The following DPYSL2 variants were observed in gnomAD, a reference collection of about 807,000 sequenced individuals.
DPYSL2 encodes the protein dihydropyrimidinase like 2.
In DPYSL2, 13 loss-of-function variants were observed where a neutral mutation model predicts 69.9. That is an observed-to-expected ratio of 0.19 (90% CI 0.12 to 0.30). The LOEUF is 0.30. Among genes scored for constraint, DPYSL2 ranks in the 10% least tolerant of loss-of-function variants. The pLI is 1.00. For synonymous variants in DPYSL2, 326 were observed against 359.1 expected (o/e 0.91, Z 1.04); for missense variants, 587 against 918.9 (o/e 0.64, Z 4.67).
chr8:26,611,030 G>A (rs986195967), intron 3 of DPYSL2, among the ~76,000 whole-genome samples: 1 of 152,166 alleles, frequency 6.6e-6, no homozygotes, highest in African/African-American at 2.4e-5. Flanking sequence ...TCCCTATACA[G>A]TGAAGTAGGC....
intron 1 of DPYSL2, among the ~76,000 whole-genome samples, chr8:26,546,934 A>AAAAAAAAAAAAAAAAAAAAAAAAG (rs1800780944): frequency 6.7e-6 from 1 of 149,214 alleles, no homozygotes; most frequent in African/African-American, 2.5e-5. Flanking sequence ...AAAAAAAAAA[A>AAAAAAAAAAAAAAAAAAAAAAAAG]AAAAAAAAAA....
At position 26,634,777 on chromosome 8, in the gene DPYSL2, C is replaced by T. The variant is rs768747449; in HGVS notation, c.1006-3C>T. 3.1e-6 allele frequency: 5 copies of T among 1,614,076 alleles called. No homozygotes were observed. The South Asian group carries it at 5.5e-5, about 18-fold the overall frequency. ...ATTCTCATGCTCTGCTGCTGTTTTG[C>T]AGGTCGAGGCCGAAGCCGTGAATCG... On this transcript the variant is annotated splice_polypyrimidine_tract_variant and splice_region_variant and intron_variant, in intron 7 of 13. Transcript: ENST00000521913.
At chr8:26,568,645 C>T (rs11784283) in intron 1 of DPYSL2, among the ~76,000 whole-genome samples, 15,697 of 152,090 alleles carry the variant, frequency 0.1, 900 homozygotes, top group Non-Finnish European at 0.12. Context: ...AGAACCATGG[C>T]GTGTTTTTGG....
intron 8 of DPYSL2, among the ~76,000 whole-genome samples, chr8:26,638,470 A>G (rs1285471486): frequency 1.3e-5 from 2 of 152,182 alleles, no homozygotes; most frequent in Non-Finnish European, 2.9e-5. Context: ...GGAAGTGAGG[A>G]TATGAGGTGA....
chr8:26,622,126 C>A (rs927501327), intron 3 of DPYSL2, among the ~76,000 whole-genome samples: 1 of 50,038 alleles, frequency 2.0e-5, no homozygotes, highest in Non-Finnish European at 4.8e-5. Context: ...TCCTTCCTTC[C>A]TTCCTTCCTT....
rs1162428835 is a variant in DPYSL2 at position 26,588,891 on chromosome 8, T to G, written c.628+4908T>G. ...TGTCCTCGTGCTGCCTTGAGTTGCTTTCATCTCTGTGTTACCTCTTGCACT... is the reference window on the plus strand; with the variant it reads ...TGTCCTCGTGCTGCCTTGAGTTGCTGTCATCTCTGTGTTACCTCTTGCACT... On this transcript the variant is annotated intron_variant, in intron 3 of 13. Transcript: ENST00000521913. The surrounding 1 kb of genome is among the most constrained non-coding windows in gnomAD (Gnocchi z 5.4). 6.6e-6 allele frequency among the ~76,000 whole-genome samples: 1 copy of G among 152,186 alleles called. No individual in the cohort carries two copies. Among genetic ancestry groups the G allele is most frequent in the East Asian group, 1.9e-4 (1 of 5,202 alleles).
intron 1 of DPYSL2, among the ~76,000 whole-genome samples, chr8:26,551,059 A>C (rs1029615258): frequency 6.6e-6 from 1 of 152,096 alleles, no homozygotes; most frequent in African/African-American, 2.4e-5. Flanking sequence ...CTCACACACT[A>C]ATCTCCCCCA....
chr8:26,653,746 C>T lies in DPYSL2; in HGVS notation c.1942+349C>T, dbSNP rs947495877. ...CTAATTTTTGTATTTTTAGTAGAGA[C>T]GGAGTATCACCATGTTGGCCAGGCT... is the stretch of plus-strand genomic sequence containing the variant. On this transcript the variant is annotated intron_variant, in intron 13 of 13. Transcript: ENST00000521913. This position sits in a 1 kb window ranked among gnomAD's most constrained non-coding sequence, Gnocchi z 5.7. Among the ~76,000 whole-genome samples the T allele has an allele frequency of 1.3e-5, 2 of 152,008 alleles. No individual in the cohort carries two copies. Among genetic ancestry groups the T allele is most frequent in the African/African-American group, 2.4e-5 (1 of 41,386 alleles).
chr8:26,585,341 C>A lies in DPYSL2; in HGVS notation c.628+1358C>A, dbSNP rs1315270265. Among the ~76,000 whole-genome samples the A allele has an allele frequency of 6.6e-6, 1 of 152,086 alleles. No homozygotes were observed. The highest frequency in any genetic ancestry group is 2.4e-5 in the African/African-American group (1 of 41,406). Reference sequence around the variant, plus strand: ...AGCTAGAGGAATGTTGCCCTGCCATCCCCTCCTAGTCTGAGTTGCCCCGCA... The same window carrying A: ...AGCTAGAGGAATGTTGCCCTGCCATACCCTCCTAGTCTGAGTTGCCCCGCA... On this transcript the variant is annotated intron_variant, in intron 3 of 13. Transcript: ENST00000521913. The surrounding 1 kb of genome is among the most constrained non-coding windows in gnomAD (Gnocchi z 4.0).
chr8:26,578,340 T>C, intron 1 of DPYSL2: 2 of 1,613,586 alleles, frequency 1.2e-6, no homozygotes, highest in Non-Finnish European at 1.7e-6. Flanking sequence ...CCACCTTTTG[T>C]AGCACAGAAG....
chr8:26,571,383 C>G lies in DPYSL2; in HGVS notation c.355-10586C>G, dbSNP rs1801232856. Among the ~76,000 whole-genome samples the G allele has an allele frequency of 6.6e-6, 1 of 152,080 alleles. No individual in the cohort carries two copies. The highest frequency in any genetic ancestry group is 2.4e-5 in the African/African-American group (1 of 41,404). ...CTGCCCTGGCTTGGAGACCAGCACG[C>G]AGGGGACCACGTGCACACTCTTTGT... is the stretch of plus-strand genomic sequence containing the variant. On this transcript the variant is annotated intron_variant, in intron 1 of 13. Coordinates refer to ENST00000521913, the MANE Select transcript of DPYSL2 (RefSeq NM_001197293.3). This position sits in a 1 kb window ranked among gnomAD's most constrained non-coding sequence, Gnocchi z 6.1.
At chr8:26,635,911 C>T (rs1802904188) in intron 8 of DPYSL2, among the ~76,000 whole-genome samples, 1 of 152,214 alleles carries the variant, frequency 6.6e-6, no homozygotes, top group Non-Finnish European at 1.5e-5. Context: ...TTCCCTGCAT[C>T]ATGCAATCCA....
Position 26,656,918 on chromosome 8 carries a change from C to T in DPYSL2, c.*1212C>T, listed in dbSNP as rs1803405593. On this transcript the variant is annotated 3_prime_UTR_variant, in exon 14 of 14. Coordinates refer to ENST00000521913, the MANE Select transcript of DPYSL2 (RefSeq NM_001197293.3). ...ACGGTCAAACCTAAACACCGAGCCTCATTAACCCAAGTGAACCAACCAAAG... is the reference window on the plus strand; with the variant it reads ...ACGGTCAAACCTAAACACCGAGCCTTATTAACCCAAGTGAACCAACCAAAG... The T allele has an allele frequency of 6.6e-6, 1 of 152,430 alleles. No homozygotes were observed. The highest frequency in any genetic ancestry group is 1.5e-5 in the Non-Finnish European group (1 of 68,086). The allele number at this position is 152,430 out of a possible 1,614,324, so 9.4% of individuals were successfully genotyped here.
At chr8:26,518,458 T>G (rs1444124059) in intron 1 of DPYSL2, among the ~76,000 whole-genome samples, 1 of 152,212 alleles carries the variant, frequency 6.6e-6, no homozygotes, top group African/African-American at 2.4e-5. Flanking sequence ...TAAAATAATT[T>G]TTACATAGCC....
At chr8:26,584,118 A>G (rs1801546095) in intron 3 of DPYSL2, 135 bp downstream of exon 3, 2 of 825,804 alleles carry the variant, frequency 2.4e-6, no homozygotes, top group African/African-American at 3.5e-5. Flanking sequence ...GGGGGTGAGG[A>G]TGTGTTAACC....
At chr8:26,595,743 C>T (rs1029723516) in intron 3 of DPYSL2, among the ~76,000 whole-genome samples, 13 of 152,156 alleles carry the variant, frequency 8.5e-5, no homozygotes, top group African/African-American at 3.1e-4. Flanking sequence ...AGCAGTGCAG[C>T]GTGGGAGAGG....
Position 26,598,342 on chromosome 8 carries a change from AT to A in DPYSL2, c.628+14366del, listed in dbSNP as rs1252356024. Among the ~76,000 whole-genome samples, 1 of 152,070 alleles carries A rather than the reference AT, an allele frequency of 6.6e-6. No homozygotes were observed. Among genetic ancestry groups the A allele is most frequent in the Non-Finnish European group, 1.5e-5 (1 of 68,008 alleles). ...GGTCAGCATTGCTATGAAATGGTTT[AT>A]TTTTTTGTGGATGTTTTAGAGCTCC... is the stretch of plus-strand genomic sequence containing the variant. On this transcript the variant is annotated intron_variant, in intron 3 of 13. Coordinates refer to ENST00000521913, the MANE Select transcript of DPYSL2 (RefSeq NM_001197293.3). This position sits in a 1 kb window ranked among gnomAD's most constrained non-coding sequence, Gnocchi z 4.2.
rs1297445377 is a variant in DPYSL2 at position 26,580,640 on chromosome 8, A to C, written c.355-1329A>C. On this transcript the variant is annotated intron_variant, in intron 1 of 13. Transcript: ENST00000521913. This position sits in a 1 kb window ranked among gnomAD's most constrained non-coding sequence, Gnocchi z 4.1. The stretch of plus-strand genomic sequence containing the variant: ...TTTTTTCCTTGCTCTCTAGTAGCTT[A>C]TCTCTTTTTTAAAGATTTTCTATGA... Among the ~76,000 whole-genome samples, 1 of 152,174 alleles carries C rather than the reference A, an allele frequency of 6.6e-6. No individual in the cohort carries two copies. The highest frequency in any genetic ancestry group is 1.5e-5 in the Non-Finnish European group (1 of 68,018).
In DPYSL2 at chr8:26,618,940, A is replaced by C. The variant is rs577749405; in HGVS notation, c.629-5203A>C. Among the ~76,000 whole-genome samples, 9 of 152,208 alleles carry C rather than the reference A, an allele frequency of 5.9e-5. No homozygotes were observed. The South Asian group carries it at 1.7e-3, about 28-fold the overall frequency. ...GCCACTGCACTCCAGCCTGGGCAAC[A>C]AGAGTGAAACGCCATCTCAAAAGAA... On this transcript the variant is annotated intron_variant, in intron 3 of 13. Coordinates refer to ENST00000521913, the MANE Select transcript of DPYSL2 (RefSeq NM_001197293.3).
Sources: allele counts gnomAD v4.1 joint callset (sites outside exome capture counted in the v4.1 genomes callset), GRCh38; gene constraint gnomAD v4.1.1; non-coding constraint Gnocchi (gnomAD v3.1); transcripts MANE v1.5; gene names NCBI Gene and HGNC (gene_info 2026-07-23, HGNC 2026-07-21).